The following IDUA variants were observed in gnomAD, a reference collection of about 807,000 sequenced individuals.
IDUA encodes alpha-L-iduronidase.
Under a neutral mutation model 68.9 loss-of-function variants are expected in IDUA, and 65 were observed. That is an observed-to-expected ratio of 0.94 (90% CI 0.77 to 1.16). The LOEUF is 1.16. IDUA is among the 50% of genes most tolerant of loss of function. The probability of loss-of-function intolerance (pLI) is 0.00; values close to 1 mark genes in which losing one functional copy is unlikely to be tolerated. For synonymous variants in IDUA, 529 were observed against 433.6 expected (o/e 1.22, Z -2.73); for missense variants, 1,046 against 938.0 (o/e 1.12, Z -1.50).
chr4:992,452 A>G (rs1347365896), intron 2 of IDUA, among the ~76,000 whole-genome samples: 1 of 152,198 alleles, frequency 6.6e-6, no homozygotes, highest in Non-Finnish European at 1.5e-5. Flanking sequence ...GCACTCAGAC[A>G]CTAGCCTAGC....
chr4:990,286 C>A (rs1364863071), intron 2 of IDUA: 1 of 1,602,562 alleles, frequency 6.2e-7, no homozygotes, highest in Non-Finnish European at 8.5e-7. Context: ...CACGGAGGCC[C>A]CCATGGCAAA....
At position 989,327 on chromosome 4, in the gene IDUA, G is replaced by T. The variant is rs143381873; in HGVS notation, c.299+1378G>T. The stretch of plus-strand genomic sequence containing the variant: ...AGCGGCCCCCCAAAGCGGAACACCC[G>T]CACGCCGGGCTCAGGGACGAGGCCC... On this transcript the variant is annotated intron_variant, in intron 2 of 13. Transcript: ENST00000514224. 7 of 1,608,084 alleles carry T rather than the reference G, an allele frequency of 4.4e-6. No individual in the cohort carries two copies. The East Asian group carries it at 1.6e-4, about 36-fold the overall frequency.
rs1457095068 is a variant in IDUA, at chr4:1,002,630, T to A, written c.1190-102T>A. 3.4e-6 allele frequency: 4 copies of A among 1,166,890 alleles called. No homozygotes were observed. The East Asian group carries it at 9.1e-5, about 27-fold the overall frequency. The allele number at this position is 1,166,890 out of a possible 1,614,324, so 72.3% of individuals were successfully genotyped here. ...CCGCGTGGCGGGGCCTGGGGACTCC[T>A]TCACCAAGGGGAGGGGGAGCGAGTG... On this transcript the variant is annotated intron_variant, in intron 8 of 13. Transcript: ENST00000514224.
rs1210099820 is a variant in IDUA at position 1,004,448 on chromosome 4, C to T, written c.*55C>T. On this transcript the variant is annotated 3_prime_UTR_variant, in exon 14 of 14. Coordinates refer to ENST00000514224, the MANE Select transcript of IDUA (RefSeq NM_000203.5). The surrounding 1 kb of genome is among the most constrained non-coding windows in gnomAD (Gnocchi z 5.0). ...TCCACCGGCAGTCAGCGAGCTGGGGCTGCACTGTGCCCATGCTGCCCTCCC... is the reference window on the plus strand; with the variant it reads ...TCCACCGGCAGTCAGCGAGCTGGGGTTGCACTGTGCCCATGCTGCCCTCCC... 11 of 1,585,410 alleles carry T rather than the reference C, an allele frequency of 6.9e-6. No individual in the cohort carries two copies. Among genetic ancestry groups the T allele is most frequent in the Middle Eastern group, 2.2e-4 (1 of 4,478 alleles).
At chr4:990,982 GC>G (rs1271333927) in intron 2 of IDUA, 19 of 822,216 alleles carry the variant, frequency 2.3e-5, no homozygotes, top group Non-Finnish European at 3.4e-5. Flanking sequence ...GCCCCGGCAC[GC>G]CCCAGCTCTG....
chr4:988,570 G>A, intron 2 of IDUA: 1 of 1,327,394 alleles, frequency 7.5e-7, no homozygotes, highest in Non-Finnish European at 9.6e-7. Flanking sequence ...CTGAGCTGAG[G>A]GACGGTGCAT....
At chr4:997,102 C>T (rs945644976) in intron 2 of IDUA, among the ~76,000 whole-genome samples, 1 of 152,240 alleles carries the variant, frequency 6.6e-6, no homozygotes, top group African/African-American at 2.4e-5. Flanking sequence ...TTGCCTCCCA[C>T]CCGTGGGAAG....
intron 2 of IDUA, chr4:992,039 G>A (rs1036003981): frequency 1.0e-5 from 6 of 589,444 alleles, no homozygotes; most frequent in South Asian, 3.2e-5. Context: ...GCTCAGCTCC[G>A]GCCTATTGGC....
chr4:998,607 C>T (rs1714882175), intron 2 of IDUA, among the ~76,000 whole-genome samples: 1 of 152,154 alleles, frequency 6.6e-6, no homozygotes, highest in South Asian at 2.1e-4. Context: ...ATTCCCTTTC[C>T]CTCAGGCCAG....
chr4:1,002,602 C>T (rs1715164269), intron 8 of IDUA, 117 bp downstream of exon 8: 13 of 1,200,780 alleles, frequency 1.1e-5, no homozygotes, highest in African/African-American at 4.9e-5. Context: ...CCGGGGTCGG[C>T]CTCCGCGTGG....
intron 2 of IDUA, chr4:991,752 G>A (rs1376396450): frequency 6.5e-7 from 1 of 1,531,952 alleles, no homozygotes; most frequent in African/African-American, 1.4e-5. Context: ...AAGAGGGCAT[G>A]GTCACAGGAG....
chr4:1,002,842 T>G lies in IDUA; in HGVS notation c.1300T>G (p.Trp434Gly). 1 of 1,453,064 alleles carries G rather than the reference T, an allele frequency of 6.9e-7. No individual in the cohort carries two copies. The highest frequency in any genetic ancestry group is 9.0e-7 in the Non-Finnish European group (1 of 1,109,248). The allele number at this position is 1,453,064 out of a possible 1,614,324, so 90.0% of individuals were successfully genotyped here. The change falls in exon 9 of 14, where the codon TGG (tryptophan) becomes GGG (glycine). Residue 434 changes from tryptophan to glycine, a missense_variant. Transcript: ENST00000514224. The stretch of plus-strand genomic sequence containing the variant: ...CCGCCCCCAGGGCCCGGCCGACGCC[T>G]GGCGCGCCGCGGTGCTGATCTACGC... ...AHRPQGPADA[W>G]RAAVLIYASD...
intron 2 of IDUA, among the ~76,000 whole-genome samples, 157 bp from the exon 3 acceptor site, chr4:1,000,455 G>T (rs1715003870): frequency 6.6e-6 from 1 of 152,216 alleles, no homozygotes; most frequent in Non-Finnish European, 1.5e-5. Flanking sequence ...CCTTCATAGG[G>T]TTATTTTCCA....
intron 2 of IDUA, chr4:989,589 C>T: frequency 1.3e-6 from 2 of 1,599,900 alleles, no homozygotes; most frequent in African/African-American, 1.3e-5. Flanking sequence ...GGGCCCCCCG[C>T]AGGCTGACCA....
chr4:987,175 C>T lies in IDUA; in HGVS notation c.91C>T (p.Leu31=), dbSNP rs1257215898. ...GGTGGCCCCGGCCGAGGCCCCGCAC[C>T]TGGTGCATGTGGACGCGGCCCGCGC... ...PPVAPAEAPH[L]VHVDAARALW... Residue 31 remains leucine, a synonymous_variant, in exon 1 of 14, where the codon CTG becomes TTG. Transcript: ENST00000514224. 12 of 1,456,806 alleles carry T rather than the reference C, an allele frequency of 8.2e-6. No individual in the cohort carries two copies. Among genetic ancestry groups the T allele is most frequent in the Non-Finnish European group, 1.1e-5 (12 of 1,110,220 alleles). The allele number at this position is 1,456,806 out of a possible 1,614,324, so 90.2% of individuals were successfully genotyped here. A position where few individuals can be genotyped will look rare whatever the true frequency, so the allele number is the denominator to read the frequency against.
chr4:995,211 A>G (rs1207766975), intron 2 of IDUA, among the ~76,000 whole-genome samples: 2 of 151,458 alleles, frequency 1.3e-5, no homozygotes, highest in Non-Finnish European at 2.9e-5. Flanking sequence ...CGCCCGGCTA[A>G]TTTTTGTATT....
intron 1 of IDUA, 28 bp from the exon 2 acceptor site, chr4:987,781 G>T: frequency 1.9e-6 from 3 of 1,611,380 alleles, no homozygotes; most frequent in South Asian, 1.1e-5. Context: ...TGAGGCTCGG[G>T]ACTGAGCCGC....
At chr4:1,001,653 G>A in intron 5 of IDUA, 26 bp from the exon 6 acceptor site, 1 of 1,604,904 alleles carries the variant, frequency 6.2e-7, no homozygotes, top group Non-Finnish European at 8.5e-7. Context: ...CAGGGCAGGT[G>A]TAGACGCAGT....
At position 1,001,547 on chromosome 4, in the gene IDUA, C is replaced by G. The variant is rs1560546652; in HGVS notation, c.573C>G (p.Val191=). 6.2e-7 allele frequency: 1 copy of G among 1,613,268 alleles called. No individual in the cohort carries two copies. Among genetic ancestry groups the G allele is most frequent in the South Asian group, 1.1e-5 (1 of 91,078 alleles). ...NEPDHHDFDN[V]SMTMQGFLNY... is the part of the protein sequence containing the mutation. The stretch of plus-strand genomic sequence containing the variant: ...CAGACCACCACGACTTTGACAACGT[C>G]TCCATGACCATGCAAGGTGTGCACC... The change falls in exon 5 of 14, where the codon GTC becomes GTG. Residue 191 remains valine, a synonymous_variant. Transcript: ENST00000514224.
Sources: gnomAD v4.1 joint callset for allele counts (sites outside exome capture counted in the v4.1 genomes callset) on GRCh38, gnomAD v4.1.1 for gene constraint, Gnocchi (gnomAD v3.1) non-coding constraint, MANE v1.5 for transcripts, NCBI Gene and HGNC (gene_info 2026-07-23, HGNC 2026-07-21) for gene names.